The following MSRA variants were observed in gnomAD, a reference collection of about 807,000 sequenced individuals.
MSRA encodes methionine sulfoxide reductase A.
Under a neutral mutation model 31.3 loss-of-function variants are expected in MSRA, and 54 were observed. That is an observed-to-expected ratio of 1.73 (90% CI 1.39 to 2.17). The LOEUF is 2.17. Among genes scored for constraint, MSRA ranks in the 30% most tolerant of loss-of-function variants. The probability of loss-of-function intolerance (pLI) is 0.00; values close to 1 mark genes in which losing one functional copy is unlikely to be tolerated. For missense variants in MSRA, 507 were observed against 300.9 expected (o/e 1.69, Z -5.07); for synonymous variants, 169 against 116.5 (o/e 1.45, Z -2.90).
chr8:10,353,747 G>A, intron 5 of MSRA: 1 of 423,306 alleles, frequency 2.4e-6, no homozygotes, highest in Non-Finnish European at 4.7e-6. Flanking sequence ...GAGATACCCA[G>A]CAGAGGACAG....
intron 1 of MSRA, among the ~76,000 whole-genome samples, chr8:10,133,861 C>T (rs531475730): frequency 2.5e-4 from 38 of 152,116 alleles, no homozygotes; most frequent in Admixed American, 1.1e-3. Context: ...GATGGAGTCT[C>T]GCTCTGTCGC....
At chr8:10,120,697 A>G (rs1464908571) in intron 1 of MSRA, among the ~76,000 whole-genome samples, 2 of 152,184 alleles carry the variant, frequency 1.3e-5, no homozygotes, top group East Asian at 3.9e-4. Flanking sequence ...CAAATCGTAT[A>G]ATTAAAGCGA....
At chr8:10,112,137 C>G (rs1373568980) in intron 1 of MSRA, among the ~76,000 whole-genome samples, 2 of 152,020 alleles carry the variant, frequency 1.3e-5, no homozygotes, top group Admixed American at 6.6e-5. Context: ...AGCTTTTATC[C>G]ACAGTCCTGC....
chr8:10,323,770 G>GTC (rs1554526775), intron 5 of MSRA, among the ~76,000 whole-genome samples: 5 of 151,562 alleles, frequency 3.3e-5, no homozygotes, highest in African/African-American at 4.9e-5. Context: ...GTGTGTGTGT[G>GTC]TGTGTCTGTG....
intron 5 of MSRA, among the ~76,000 whole-genome samples, chr8:10,408,641 C>A (rs1328893590): frequency 1.3e-5 from 2 of 152,194 alleles, no homozygotes; most frequent in East Asian, 1.9e-4. Context: ...TGCATGCATA[C>A]ATTGTGTAGT....
At chr8:10,109,118 G>T (rs2129012440) in intron 1 of MSRA, among the ~76,000 whole-genome samples, 2 of 152,234 alleles carry the variant, frequency 1.3e-5, no homozygotes, top group Admixed American at 1.3e-4. Flanking sequence ...CATTAAAATT[G>T]TTGAGCATAG....
intron 4 of MSRA, among the ~76,000 whole-genome samples, chr8:10,304,032 T>C (rs4240642): frequency 0.2 from 30,958 of 152,194 alleles, 4,275 homozygotes; most frequent in East Asian, 0.65. Context: ...ACCTCCCAGG[T>C]GCAAGCAGTT....
chr8:10,200,979 G>C (rs1466120457), intron 1 of MSRA, among the ~76,000 whole-genome samples: 2 of 152,142 alleles, frequency 1.3e-5, no homozygotes, highest in Non-Finnish European at 2.9e-5. Flanking sequence ...TGGCTAGTCT[G>C]AGGCCAGGGC....
At position 10,386,851 on chromosome 8, in the gene MSRA, T is replaced by A. The variant is rs138880192; in HGVS notation, c.544-41297T>A. 2.1e-3 allele frequency among the ~76,000 whole-genome samples: 315 copies of A among 147,422 alleles called. 1 individual carries two copies. Among genetic ancestry groups the A allele is most frequent in the African/African-American group, 6.3e-3 (250 of 39,932 alleles). On this transcript the variant is annotated intron_variant, in intron 5 of 5. Transcript: ENST00000317173. The stretch of plus-strand genomic sequence containing the variant: ...TGGGATTCGAACCCTTTGAGGAGAC[T>A]CTTCTTCAGAGTGGATTATTTAAAA...
chr8:10,064,483 A>G (rs1216328326), intron 1 of MSRA, among the ~76,000 whole-genome samples: 1 of 152,176 alleles, frequency 6.6e-6, no homozygotes, highest in Non-Finnish European at 1.5e-5. Context: ...TTGAACAAGT[A>G]TATTAAATTG....
chr8:10,364,853 T>C (rs1269857095), intron 5 of MSRA, among the ~76,000 whole-genome samples: 1 of 152,212 alleles, frequency 6.6e-6, no homozygotes, highest in Non-Finnish European at 1.5e-5. Context: ...ACATTGGAGT[T>C]GTCAATTTCA....
chr8:10,243,933 C>T (rs1585257213), intron 2 of MSRA, among the ~76,000 whole-genome samples: 1 of 152,100 alleles, frequency 6.6e-6, no homozygotes, highest in Non-Finnish European at 1.5e-5. Flanking sequence ...TTTTGATTAA[C>T]ACATTTTAGC....
At chr8:10,424,487 G>A (rs1410246564) in intron 5 of MSRA, among the ~76,000 whole-genome samples, 9 of 144,090 alleles carry the variant, frequency 6.2e-5, no homozygotes, top group Admixed American at 5.5e-4. Flanking sequence ...ACGGGAAGAA[G>A]GACTCGGGAT....
At chr8:10,202,855 C>G (rs1294182544) in intron 1 of MSRA, among the ~76,000 whole-genome samples, 1 of 152,110 alleles carries the variant, frequency 6.6e-6, no homozygotes, top group Non-Finnish European at 1.5e-5. Context: ...GAAATTCTTA[C>G]AGATGAGGAC....
chr8:10,174,774 G>A (rs796952469), intron 1 of MSRA, among the ~76,000 whole-genome samples: 28 of 152,286 alleles, frequency 1.8e-4, no homozygotes, highest in African/African-American at 5.8e-4. Context: ...CCAACTGGAG[G>A]AGTCCATGAG....
chr8:10,144,165 G>C (rs1483463935), intron 1 of MSRA, among the ~76,000 whole-genome samples: 1 of 152,168 alleles, frequency 6.6e-6, no homozygotes, highest in South Asian at 2.1e-4. Flanking sequence ...ACATAGGAGC[G>C]GTGAAGTCTC....
intron 3 of MSRA, among the ~76,000 whole-genome samples, chr8:10,288,760 C>T (rs1435270116): frequency 2.0e-5 from 3 of 152,170 alleles, no homozygotes; most frequent in African/African-American, 7.2e-5. Flanking sequence ...AGCAATCCTG[C>T]CACATCCTTC....
intron 5 of MSRA, among the ~76,000 whole-genome samples, chr8:10,402,875 A>G (rs1020903508): frequency 6.6e-6 from 1 of 152,252 alleles, no homozygotes; most frequent in African/African-American, 2.4e-5. Context: ...GGGTCCCAAC[A>G]TGGGTAATGA....
chr8:10,092,046 A>G (rs1798884540), intron 1 of MSRA, among the ~76,000 whole-genome samples: 1 of 151,718 alleles, frequency 6.6e-6, no homozygotes, highest in Non-Finnish European at 1.5e-5. Context: ...GATCTTTTTC[A>G]TAATAGCCAT....
Sources: allele counts gnomAD v4.1 joint callset (sites outside exome capture counted in the v4.1 genomes callset), GRCh38; gene constraint gnomAD v4.1.1; transcripts MANE v1.5; gene names NCBI Gene and HGNC (gene_info 2026-07-23, HGNC 2026-07-21).